Variants in MAP4 observed in about 807,000 individuals in gnomAD.
MAP4 encodes the protein microtubule-associated protein 4.
Under a neutral mutation model 170.2 loss-of-function variants are expected in MAP4, and 76 were observed. The ratio of observed to expected loss-of-function variants is 0.45; its 90% CI spans 0.37 to 0.54. The LOEUF (loss-of-function observed/expected upper bound fraction) is 0.54, where lower values mean the gene tolerates loss of function less well. MAP4 is among the 20% of genes least tolerant of loss of function. The pLI, the probability that MAP4 is intolerant of heterozygous loss-of-function variation, is 0.00. For synonymous variants in MAP4, 909 were observed against 994.5 expected (o/e 0.91, Z 1.62); for missense variants, 2,506 against 2,748.0 (o/e 0.91, Z 1.97).
intron 3 of MAP4, among the ~76,000 whole-genome samples, chr3:47,932,916 T>G (rs2100050683): frequency 6.6e-6 from 1 of 152,142 alleles, no homozygotes. Context: ...TTTTTGTTTT[T>G]ATTTTTGAGA....
chr3:47,986,154 G>A (rs2100088522), intron 2 of MAP4, among the ~76,000 whole-genome samples: 1 of 152,136 alleles, frequency 6.6e-6, no homozygotes, highest in Non-Finnish European at 1.5e-5. Context: ...TATTATTTAA[G>A]AGGTGGGGTC....
At chr3:47,993,212 T>G (rs977116084) in intron 2 of MAP4, among the ~76,000 whole-genome samples, 2 of 152,110 alleles carry the variant, frequency 1.3e-5, no homozygotes, top group African/African-American at 4.8e-5. Context: ...TAGTCCCAGC[T>G]ACTTGGAAGG....
chr3:48,011,249 G>A (rs2100105086), intron 1 of MAP4, among the ~76,000 whole-genome samples: 3 of 152,120 alleles, frequency 2.0e-5, no homozygotes, highest in Non-Finnish European at 4.4e-5. Context: ...AGTAGGAACT[G>A]GACTTGGTAA....
Position 47,852,856 on chromosome 3 carries a change from TGTG to T in MAP4, c.*75_*77del. 1 of 1,563,222 alleles carries T rather than the reference TGTG, an allele frequency of 6.4e-7. No individual in the cohort carries two copies. Among genetic ancestry groups the T allele is most frequent in the Non-Finnish European group, 8.7e-7 (1 of 1,153,928 alleles). On this transcript the variant is annotated 3_prime_UTR_variant, in exon 21 of 21. Transcript: ENST00000683076. ...GCCCGAGTTGGGGCCGCCAGGGAAG[TGTG>T]GGGGGCGGGAGACAATGTCGGCCCC... is the stretch of plus-strand genomic sequence containing the variant.
chr3:47,894,901 T>C (rs1022834882), intron 10 of MAP4, among the ~76,000 whole-genome samples: 1 of 151,110 alleles, frequency 6.6e-6, no homozygotes, highest in African/African-American at 2.4e-5. Context: ...GTGATCACAA[T>C]TGTGGTCCCA....
chr3:48,029,695 T>C (rs2100114939), intron 1 of MAP4, among the ~76,000 whole-genome samples: 3 of 151,990 alleles, frequency 2.0e-5, no homozygotes. Context: ...CCAGTAGTAA[T>C]AAAATCGTAG....
chr3:47,856,091 A>C (rs117488033), intron 18 of MAP4, among the ~76,000 whole-genome samples: 1 of 152,286 alleles, frequency 6.6e-6, no homozygotes, highest in East Asian at 1.9e-4. Context: ...GAGTGTGCCC[A>C]TGAGACCAAG....
intron 3 of MAP4, among the ~76,000 whole-genome samples, chr3:47,965,799 A>G (rs1311602537): frequency 6.6e-6 from 1 of 152,140 alleles, no homozygotes; most frequent in African/African-American, 2.4e-5. Flanking sequence ...AACTCCTGAG[A>G]AGATATAAGA....
intron 1 of MAP4, among the ~76,000 whole-genome samples, chr3:48,038,570 C>T (rs1405185136): frequency 1.3e-5 from 2 of 150,536 alleles, no homozygotes; most frequent in Non-Finnish European, 2.9e-5. Context: ...ATGCCATTCT[C>T]CCGCCTCAGC....
Position 47,912,427 on chromosome 3 carries a change from A to C in MAP4, c.2000-6T>G, listed in dbSNP as rs2100036436. On this transcript the variant is annotated splice_region_variant and splice_polypyrimidine_tract_variant and intron_variant, in intron 8 of 20. Transcript: ENST00000683076. ...ACCGCAATACATGAAGTTGGCTAAA[A>C]TTCCAAACAAAAAACTCCTCGTTAT... is the stretch of plus-strand genomic sequence containing the variant. 1 of 1,461,772 alleles carries C rather than the reference A, an allele frequency of 6.8e-7. No individual in the cohort carries two copies. The highest frequency in any genetic ancestry group is 1.4e-5 in the African/African-American group (1 of 69,956). The allele number at this position is 1,461,772 out of a possible 1,614,324, so 90.6% of individuals were successfully genotyped here.
rs1190813183 is a variant in MAP4 at position 47,857,413 on chromosome 3, A to T, written c.6583+18T>A. ...GACATACCCTGGAGACCCAGTGGGCAAGGGAGGCACCACTCACCAGGCTTG... is the reference window on the plus strand; with the variant it reads ...GACATACCCTGGAGACCCAGTGGGCTAGGGAGGCACCACTCACCAGGCTTG... On this transcript the variant is annotated intron_variant, in intron 18 of 20. Transcript: ENST00000683076. 1 of 1,610,066 alleles carries T rather than the reference A, an allele frequency of 6.2e-7. No homozygotes were observed. Among genetic ancestry groups the T allele is most frequent in the Non-Finnish European group, 8.5e-7 (1 of 1,176,460 alleles).
chr3:48,076,546 G>A (rs2100144004), intron 1 of MAP4, among the ~76,000 whole-genome samples: 1 of 151,040 alleles, frequency 6.6e-6, no homozygotes, highest in Non-Finnish European at 1.5e-5. Context: ...AAGCATCATG[G>A]TGCACACCTG....
intron 1 of MAP4, among the ~76,000 whole-genome samples, chr3:48,059,198 C>G (rs1450445271): frequency 6.6e-6 from 1 of 152,078 alleles, no homozygotes; most frequent in Non-Finnish European, 1.5e-5. Context: ...GCCAAAACTA[C>G]ATGAACTGAA....
chr3:47,904,726 T>C (rs974473269), intron 9 of MAP4, among the ~76,000 whole-genome samples: 1 of 152,030 alleles, frequency 6.6e-6, no homozygotes, highest in African/African-American at 2.4e-5. Context: ...AGGGCAGTGT[T>C]GTGATCTTGG....
chr3:47,955,101 G>A (rs1397002264), intron 3 of MAP4, among the ~76,000 whole-genome samples: 1 of 152,130 alleles, frequency 6.6e-6, no homozygotes, highest in Non-Finnish European at 1.5e-5. Context: ...AGTTTGTCCT[G>A]TGCAGAAGTC....
At chr3:48,048,424 G>C (rs1436656590) in intron 1 of MAP4, among the ~76,000 whole-genome samples, 2 of 149,820 alleles carry the variant, frequency 1.3e-5, no homozygotes, top group Non-Finnish European at 3.0e-5. Context: ...GTAAAGGCCT[G>C]AAAGGAATTA....
chr3:47,924,827 T>C (rs1197727036), intron 4 of MAP4, among the ~76,000 whole-genome samples: 12 of 152,052 alleles, frequency 7.9e-5, no homozygotes, highest in Admixed American at 7.9e-4. Context: ...TTTTTTTTTT[T>C]TGAGATGGAG....
At chr3:47,980,033 A>G (rs1439922017) in intron 2 of MAP4, among the ~76,000 whole-genome samples, 2 of 151,866 alleles carry the variant, frequency 1.3e-5, no homozygotes, top group Non-Finnish European at 2.9e-5. Context: ...GGGTCTCCCT[A>G]TGTTTCCCAG....
intron 5 of MAP4, among the ~76,000 whole-genome samples, chr3:47,921,295 A>G (rs2100042721): frequency 6.6e-6 from 1 of 152,176 alleles, no homozygotes; most frequent in South Asian, 2.1e-4. Flanking sequence ...GGCCATGTTG[A>G]TTGTTTGGCA....
Sources: allele counts gnomAD v4.1 joint callset (sites outside exome capture counted in the v4.1 genomes callset), GRCh38; gene constraint gnomAD v4.1.1; transcripts MANE v1.5; gene names NCBI Gene and HGNC (gene_info 2026-07-23, HGNC 2026-07-21).